NPL: variants seen among roughly 807,000 people sequenced by gnomAD.
NPL encodes the protein N-acetylneuraminate pyruvate lyase.
Under a neutral mutation model 41.1 loss-of-function variants are expected in NPL, and 32 were observed. That is an observed-to-expected ratio of 0.78 (90% CI 0.59 to 1.05). NPL has a LOEUF of 1.05. NPL is among the 50% of genes least tolerant of loss of function. The pLI, the probability that NPL is intolerant of heterozygous loss-of-function variation, is 0.00. For synonymous variants in NPL, 128 were observed against 134.9 expected, an observed-to-expected ratio of 0.95 and a Z score of 0.35; for missense variants, 321 against 378.4, an observed-to-expected ratio of 0.85 and a Z score of 1.26.
Position 182,818,539 on chromosome 1 carries a change from A to ACTTATT in NPL, c.458-2_458-1insCTTATT. ...TAATGAGGCACTTATTATTTTGAGCAGTTCGTGCTGAGGAGTTGTTGGATG... is the reference window on the plus strand; with the variant it reads ...TAATGAGGCACTTATTATTTTGAGCACTTATTGTTCGTGCTGAGGAGTTGTTGGATG... On this transcript the variant is annotated splice_acceptor_variant, in intron 8 of 12. Transcript: ENST00000367553. LOFTEE classifies it high-confidence loss of function. The ACTTATT allele has an allele frequency of 6.2e-7, 1 of 1,614,010 alleles. No homozygotes were observed. The highest frequency in any genetic ancestry group is 1.1e-5 in the South Asian group (1 of 91,080).
At chr1:182,818,994 G>C in intron 10 of NPL, 135 bp downstream of exon 10, 1 of 830,076 alleles carries the variant, frequency 1.2e-6, no homozygotes, top group Non-Finnish European at 2.1e-6. Flanking sequence ...TCCAGTGAAA[G>C]GGAATTAAAT....
At chr1:182,826,011 G>A in intron 12 of NPL, 191 bp downstream of exon 12, 1 of 643,598 alleles carries the variant, frequency 1.6e-6, no homozygotes, top group South Asian at 1.8e-5. Context: ...AAAATCTTTG[G>A]CAACCTTCTC....
In NPL at chr1:182,829,616, C is replaced by T. The variant is rs1667715813; in HGVS notation, c.*708C>T. 1 of 1,550,434 alleles carries T rather than the reference C, an allele frequency of 6.4e-7. No individual in the cohort carries two copies. Among genetic ancestry groups the T allele is most frequent in the South Asian group, 1.2e-5 (1 of 84,020 alleles). ...TTTTCTATACAGAAAACTCAAAACT[C>T]AAAGTTTCAAAGAACCAAAGGACTC... On this transcript the variant is annotated 3_prime_UTR_variant, in exon 13 of 13. Coordinates refer to ENST00000367553, the MANE Select transcript of NPL (RefSeq NM_030769.3).
intron 4 of NPL, among the ~76,000 whole-genome samples, chr1:182,805,245 C>A (rs1195970264): frequency 6.6e-6 from 1 of 151,756 alleles, no homozygotes; most frequent in Non-Finnish European, 1.5e-5. Flanking sequence ...GCCTGCCCAA[C>A]ATGGCAAAAC....
chr1:182,809,132 C>G, intron 5 of NPL: 1 of 371,840 alleles, frequency 2.7e-6, no homozygotes, highest in South Asian at 2.0e-5. Flanking sequence ...GTTTTAAAGA[C>G]ATAACCCTGT....
At chr1:182,816,067 G>C (rs1667322213) in intron 7 of NPL, among the ~76,000 whole-genome samples, 1 of 152,212 alleles carries the variant, frequency 6.6e-6, no homozygotes, top group African/African-American at 2.4e-5. Context: ...CTATTACCCA[G>C]TGGCATCCAA....
At position 182,820,740 on chromosome 1, in the gene NPL, G is replaced by T. The variant is rs529141754; in HGVS notation, c.654-1375G>T. Among the ~76,000 whole-genome samples the T allele has an allele frequency of 2.6e-5, 4 of 152,158 alleles. No homozygotes were observed. The South Asian group carries it at 6.2e-4, about 24-fold the overall frequency. ...GGATCTCACGAGAACTCACTATCGC[G>T]ACAACAGCACAAAGGAGGATGTGTT... On this transcript the variant is annotated intron_variant, in intron 10 of 12. Coordinates refer to ENST00000367553, the MANE Select transcript of NPL (RefSeq NM_030769.3).
At chr1:182,812,129 G>A (rs979126960) in intron 5 of NPL, 27 bp from the exon 6 acceptor site, 6 of 1,612,396 alleles carry the variant, frequency 3.7e-6, no homozygotes, top group African/African-American at 2.7e-5. Flanking sequence ...AACTCTAAGC[G>A]ATGCAGCAGT....
intron 10 of NPL, among the ~76,000 whole-genome samples, chr1:182,820,733 C>T (rs1371590063): frequency 1.3e-5 from 2 of 152,152 alleles, no homozygotes; most frequent in Non-Finnish European, 2.9e-5. Context: ...CGAGAACTCA[C>T]TATCGCGACA....
rs1275095139 is a variant in NPL, at chr1:182,829,181, T to C, written c.*273T>C. On this transcript the variant is annotated 3_prime_UTR_variant, in exon 13 of 13. Coordinates refer to ENST00000367553, the MANE Select transcript of NPL (RefSeq NM_030769.3). ...GGATGAAATGGAATCAAGAGGAAAATTGTAATTGATTAATTCCATCTGTCT... is the reference window on the plus strand; with the variant it reads ...GGATGAAATGGAATCAAGAGGAAAACTGTAATTGATTAATTCCATCTGTCT... The C allele has an allele frequency of 5.4e-6, 7 of 1,305,442 alleles. No individual in the cohort carries two copies. The highest frequency in any genetic ancestry group is 3.7e-5 in the Admixed American group (1 of 27,324). The allele number at this position is 1,305,442 out of a possible 1,614,324, so 80.9% of individuals were successfully genotyped here. A position where few individuals can be genotyped will look rare whatever the true frequency, so the allele number is the denominator to read the frequency against.
chr1:182,812,745 A>G (rs967759947), intron 6 of NPL, among the ~76,000 whole-genome samples: 5 of 152,114 alleles, frequency 3.3e-5, no homozygotes, highest in Non-Finnish European at 4.4e-5. Flanking sequence ...TTTAGCCAGA[A>G]TATAGGAACA....
At chr1:182,799,625 C>T (rs1396981742) in intron 3 of NPL, among the ~76,000 whole-genome samples, 1 of 148,624 alleles carries the variant, frequency 6.7e-6, no homozygotes, top group Non-Finnish European at 1.5e-5. Flanking sequence ...TAGTGGGGCA[C>T]AGTGGCACAC....
At position 182,828,696 on chromosome 1, in the gene NPL, T is replaced by C; in HGVS notation, c.779-28T>C. ...GTGGAGAGATAGACGGTACCAGTCA[T>C]GTTTCCTCATTTGTTTTTCCCGTCT... is the stretch of plus-strand genomic sequence containing the variant. On this transcript the variant is annotated intron_variant, in intron 12 of 12. Transcript: ENST00000367553. This position sits in a 1 kb window ranked among gnomAD's most constrained non-coding sequence, Gnocchi z 4.0. 1.2e-6 allele frequency: 2 copies of C among 1,614,154 alleles called. No homozygotes were observed. Among genetic ancestry groups the C allele is most frequent in the African/African-American group, 1.3e-5 (1 of 75,060 alleles).
intron 5 of NPL, among the ~76,000 whole-genome samples, chr1:182,807,968 TA>T (rs1667071375): frequency 7.0e-6 from 1 of 142,468 alleles, no homozygotes; most frequent in South Asian, 2.3e-4. Flanking sequence ...CCTCAGAGGG[TA>T]GGAGGCCAGT....
At chr1:182,827,176 C>T (rs1044587310) in intron 12 of NPL, among the ~76,000 whole-genome samples, 2 of 152,328 alleles carry the variant, frequency 1.3e-5, no homozygotes, top group South Asian at 4.1e-4. Context: ...TCAGTTTTTA[C>T]TGCAACTAAG....
Position 182,806,238 on chromosome 1 carries a change from T to C in NPL, c.230+6T>C. On this transcript the variant is annotated splice_donor_region_variant and intron_variant, in intron 5 of 12. Transcript: ENST00000367553. ...GTGACAAAAGGGAAGGACAAGTGAG[T>C]GGCTGCATGAGGATAAAAATGCCCT... 6.2e-7 allele frequency: 1 copy of C among 1,614,054 alleles called. No homozygotes were observed. The highest frequency in any genetic ancestry group is 2.2e-5 in the East Asian group (1 of 44,864).
rs1455314937 is a variant in NPL, at chr1:182,829,370, A to G, written c.*462A>G. On this transcript the variant is annotated 3_prime_UTR_variant, in exon 13 of 13. Transcript: ENST00000367553. ...AGGCACTTTAATACCAAACTGTAAC[A>G]TGTCTCAACTGTATACAACTCAAAA... 76 of 1,284,644 alleles carry G rather than the reference A, an allele frequency of 5.9e-5. No homozygotes were observed. The highest frequency in any genetic ancestry group is 7.3e-5 in the Non-Finnish European group (74 of 1,014,116). 79.6% of individuals were successfully genotyped at this position (1,284,644 alleles called of 1,614,324 possible).
chr1:182,792,706 A>G (rs1230992606), intron 2 of NPL, among the ~76,000 whole-genome samples: 1 of 152,254 alleles, frequency 6.6e-6, no homozygotes, highest in East Asian at 1.9e-4. Flanking sequence ...AGCTACATGC[A>G]GGACTTGGTC....
chr1:182,818,416 G>C, intron 8 of NPL, 125 bp from the exon 9 acceptor site: 1 of 1,185,244 alleles, frequency 8.4e-7, no homozygotes, highest in South Asian at 1.2e-5. Flanking sequence ...CAGTGATTAT[G>C]CCTAGTCTGC....
Sources: gnomAD v4.1 joint callset for allele counts (sites outside exome capture counted in the v4.1 genomes callset) on GRCh38, gnomAD v4.1.1 for gene constraint, Gnocchi (gnomAD v3.1) non-coding constraint, MANE v1.5 for transcripts, NCBI Gene and HGNC (gene_info 2026-07-23, HGNC 2026-07-21) for gene names.